The following ASPM variants were observed in gnomAD, a reference collection of about 807,000 sequenced individuals.
The protein encoded by ASPM is abnormal spindle-like microcephaly-associated protein.
Under a neutral mutation model 366.4 loss-of-function variants are expected in ASPM, and 256 were observed. The observed-to-expected ratio is 0.70, with a 90% CI of 0.63 to 0.77. ASPM has a LOEUF of 0.77. Ranked by LOEUF, ASPM falls within the 30% of genes least tolerant of loss-of-function variation. ASPM has a pLI of 0.00. For missense variants in ASPM, 4,146 were observed against 4,090.4 expected (o/e 1.01, Z -0.37); for synonymous variants, 1,414 against 1,342.9 (o/e 1.05, Z -1.16).
rs1320895963 is a variant in ASPM, at chr1:197,142,559, A to G, written c.1693T>C (p.Ser565Pro). 7 of 1,613,902 alleles carry G rather than the reference A, an allele frequency of 4.3e-6. No individual in the cohort carries two copies. Among genetic ancestry groups the G allele is most frequent in the Non-Finnish European group, 5.1e-6 (6 of 1,179,886 alleles). ...CGAGCAACTGAAGCTGTTGTCGAAG[A>G]GGGTGTTACCTCGTTTTTATAACTC... ...SKSYKNEVTPSSTTASVARKR... is the reference protein window; with the variant it reads ...SKSYKNEVTPPSTTASVARKR... The change falls in exon 3 of 28, where the codon TCT becomes CCT. Residue 565 changes from serine to proline, a missense_variant. Physicochemically the swap from Ser to Pro is moderately conservative, Grantham distance 74 (BLOSUM62 -1). Transcript: ENST00000367409.
chr1:197,127,350 T>G (rs7534353), intron 10 of ASPM, among the ~76,000 whole-genome samples: 118,144 of 152,150 alleles, frequency 0.78, 49,486 homozygotes, highest in East Asian at 1. Flanking sequence ...AAAGAGTTTG[T>G]TAAGTTTTAC....
In ASPM at chr1:197,101,607, T is replaced by C. The variant is rs754187502; in HGVS notation, c.7644A>G (p.Gln2548=). Residue 2548 remains glutamine (Q), a synonymous_variant, in exon 18 of 28, where the codon CAA becomes CAG. Transcript: ENST00000367409. ...QAAYKGMKAR[Q]LLREKHKASI... ...AAGCTTTGTGTTTTTCCCTTAAAAG[T>C]TGTCTTGCTTTCATTCCTTTATATG... The C allele has an allele frequency of 9.3e-6, 15 of 1,610,752 alleles. No homozygotes were observed. The highest frequency in any genetic ancestry group is 1.7e-5 in the Admixed American group (1 of 59,734).
At chr1:197,139,056 G>T in intron 4 of ASPM, 1 of 744,336 alleles carries the variant, frequency 1.3e-6, no homozygotes, top group South Asian at 1.4e-5. Context: ...CTGGCTGGTT[G>T]TCTGGGCCCA....
intron 1 of ASPM, 89 bp downstream of exon 1, chr1:197,146,052 T>G: frequency 5.2e-6 from 8 of 1,529,556 alleles, no homozygotes; most frequent in Non-Finnish European, 6.3e-6. Flanking sequence ...TGATTTCTTC[T>G]CCAATCGTCA....
intron 10 of ASPM, among the ~76,000 whole-genome samples, chr1:197,126,963 C>T (rs1414011025): frequency 1.3e-5 from 2 of 152,176 alleles, no homozygotes; most frequent in Admixed American, 1.3e-4. Context: ...AACCCACATT[C>T]ATCTTCCTGA....
Position 197,090,090 on chromosome 1 carries a change from AG to A in ASPM, c.9830-7del. On this transcript the variant is annotated splice_polypyrimidine_tract_variant and splice_region_variant and intron_variant, in intron 24 of 27. Coordinates refer to ENST00000367409, the MANE Select transcript of ASPM (RefSeq NM_018136.5). ...AGACAATCTAGTAACTACCTCTGAA[AG>A]AAAAAAAAAACACACACACACAGGT... The A allele has an allele frequency of 6.2e-7, 1 of 1,613,372 alleles. No individual in the cohort carries two copies.
chr1:197,103,562 C>G lies in ASPM; in HGVS notation c.5689G>C (p.Glu1897Gln), dbSNP rs576666235. ...GWKVRKQIRR[E>Q]HQAALKIQSA... is the part of the protein sequence containing the mutation. ...TGAATCTTCAAGGCAGCTTGATGTT[C>G]CCTTCTAATCTGTTTCCGAACCTTC... Residue 1897 changes from glutamate to glutamine, a missense_variant, in exon 18 of 28, where the codon GAA (glutamate) becomes CAA (glutamine). Around this residue, in one of 3 missense-constraint regions of ASPM, gnomAD observed 3,624 missense variants for 3,591.7 expected, o/e 1.01. Coordinates refer to ENST00000367409, the MANE Select transcript of ASPM (RefSeq NM_018136.5). 12 of 1,612,966 alleles carry G rather than the reference C, an allele frequency of 7.4e-6. No individual in the cohort carries two copies. The South Asian group carries it at 1.3e-4, about 18-fold the overall frequency.
intron 27 of ASPM, 27 bp from the exon 28 acceptor site, chr1:197,084,453 C>T: frequency 7.2e-7 from 1 of 1,385,762 alleles, no homozygotes; most frequent in Non-Finnish European, 1.0e-6. Context: ...AAAAGTCTGG[C>T]ATTAATAAAG....
chr1:197,127,586 C>A (rs1465722490), intron 10 of ASPM, among the ~76,000 whole-genome samples: 1 of 152,248 alleles, frequency 6.6e-6, no homozygotes, highest in African/African-American at 2.4e-5. Flanking sequence ...AACCCAGATA[C>A]CCTGAAGAGG....
rs1396972656 is a variant in ASPM at position 197,101,350 on chromosome 1, T to C, written c.7901A>G (p.His2634Arg). Residue 2634 changes from histidine (H) to arginine (R), a missense_variant, in exon 18 of 28, where the codon CAT becomes CGT. His to Arg is a conservative substitution (Grantham distance 29). This residue lies in a region of ASPM where 3,624 missense variants were observed against 3,591.7 expected (regional missense o/e 1.01). Transcript: ENST00000367409. ...CTTCCTTATTTTAAAGGCTTTACAA[T>C]GCTTCTGAATAATAATGGCAGCCTG... Reference protein sequence around the residue: ...QHQAAIIIQKHCKAFKIRKHY... With the variant: ...QHQAAIIIQKRCKAFKIRKHY... The C allele has an allele frequency of 6.2e-7, 1 of 1,610,832 alleles. No homozygotes were observed. The highest frequency in any genetic ancestry group is 1.7e-5 in the Admixed American group (1 of 59,710).
chr1:197,096,200 G>T, intron 18 of ASPM, 36 bp from the exon 19 acceptor site: 2 of 1,515,694 alleles, frequency 1.3e-6, no homozygotes, highest in Non-Finnish European at 1.8e-6. Context: ...TATGCAATGA[G>T]TTGTCTCTTT....
intron 4 of ASPM, among the ~76,000 whole-genome samples, chr1:197,136,324 C>G (rs1386870643): frequency 3.9e-5 from 6 of 152,084 alleles, no homozygotes; most frequent in African/African-American, 1.4e-4. Context: ...ATAAAGCTCT[C>G]TGGTAAAGGT....
At position 197,090,202 on chromosome 1, in the gene ASPM, GT is replaced by G; in HGVS notation, c.9822del (p.Lys3274AsnfsTer3). ...KHLSAILEAL[K>X]HLEVVTRLSP... ...CATGTTAACACAAACTAACCTAGGT[GT>G]TTTAAGGCCTCAAGAATGGCAGAAA... On this transcript the variant is annotated frameshift_variant, in exon 24 of 28. Coordinates refer to ENST00000367409, the MANE Select transcript of ASPM (RefSeq NM_018136.5). LOFTEE classifies it high-confidence loss of function. 1 of 1,613,266 alleles carries G rather than the reference GT, an allele frequency of 6.2e-7. No individual in the cohort carries two copies. Among genetic ancestry groups the G allele is most frequent in the Non-Finnish European group, 8.5e-7 (1 of 1,179,494 alleles).
At chr1:197,095,892 T>C in intron 19 of ASPM, 106 bp downstream of exon 19, 2 of 1,036,940 alleles carry the variant, frequency 1.9e-6, no homozygotes, top group African/African-American at 1.6e-5. Context: ...AAATTAAGCA[T>C]AACAAATATT....
In ASPM at chr1:197,146,165, C is replaced by T; in HGVS notation, c.273G>A (p.Val91=). ...CCTGCAACACGAAACAGCGCTGCGA[C>T]ACACTGAAGCCCAGGTCCGCGGCCG... ...HFPAADLGFS[V]SQRCFVLQPK... The change falls in exon 1 of 28, where the codon GTG becomes GTA. Residue 91 remains valine (V), a synonymous_variant. Coordinates refer to ENST00000367409, the MANE Select transcript of ASPM (RefSeq NM_018136.5). 2 of 1,614,098 alleles carry T rather than the reference C, an allele frequency of 1.2e-6. No individual in the cohort carries two copies. The highest frequency in any genetic ancestry group is 1.7e-4 in the Middle Eastern group (1 of 6,060).
chr1:197,090,185 C>T lies in ASPM; in HGVS notation c.9829+11G>A. On this transcript the variant is annotated intron_variant, in intron 24 of 27. Coordinates refer to ENST00000367409, the MANE Select transcript of ASPM (RefSeq NM_018136.5). ...TTACATCATTCTTTAAACATGTTAACACAAACTAACCTAGGTGTTTTAAGG... is the reference window on the plus strand; with the variant it reads ...TTACATCATTCTTTAAACATGTTAATACAAACTAACCTAGGTGTTTTAAGG... 1 of 1,612,868 alleles carries T rather than the reference C, an allele frequency of 6.2e-7. No homozygotes were observed. The highest frequency in any genetic ancestry group is 8.5e-7 in the Non-Finnish European group (1 of 1,179,278).
At position 197,124,113 on chromosome 1, in the gene ASPM, T is replaced by C. The variant is rs768169498; in HGVS notation, c.3387A>G (p.Lys1129=). The C allele has an allele frequency of 6.2e-7, 1 of 1,606,358 alleles. No individual in the cohort carries two copies. Among genetic ancestry groups the C allele is most frequent in the East Asian group, 2.2e-5 (1 of 44,642 alleles). Residue 1129 remains lysine, a synonymous_variant, in exon 13 of 28, where the codon AAA becomes AAG. Coordinates refer to ENST00000367409, the MANE Select transcript of ASPM (RefSeq NM_018136.5). ...WVNAVCAFYN[K]KVENFTVSFS... The stretch of plus-strand genomic sequence containing the variant: ...AACAAAAAACAAAGAAACTTACCTT[T>C]TTATTATAGAAGGCACAAACAGCAT...
chr1:197,124,308 A>G lies in ASPM; in HGVS notation c.3192T>C (p.Asp1064=). ...AFQVDISLNL[D]QLKEEIAFLK... is the part of the protein sequence containing the mutation. The stretch of plus-strand genomic sequence containing the variant: ...GAAAGGCAATTTCTTCCTTTAATTG[A>G]TCTAAGTTAAGGGAAATATCCACCT... The change falls in exon 13 of 28, where the codon GAT becomes GAC. Residue 1064 remains aspartate (D), a synonymous_variant. Coordinates refer to ENST00000367409, the MANE Select transcript of ASPM (RefSeq NM_018136.5). The G allele has an allele frequency of 2.5e-6, 4 of 1,584,260 alleles. No individual in the cohort carries two copies. In the South Asian group the frequency reaches 4.4e-5, roughly 18 times the overall value.
rs1658696934 is a variant in ASPM, at chr1:197,144,202, A to G, written c.298-102T>C. On this transcript the variant is annotated intron_variant, in intron 1 of 27. Coordinates refer to ENST00000367409, the MANE Select transcript of ASPM (RefSeq NM_018136.5). ...ATATAGTAGGGCTTAATAATTGTTA[A>G]CCAACACTCTATATACTAAACATTT... is the stretch of plus-strand genomic sequence containing the variant. 14 of 819,542 alleles carry G rather than the reference A, an allele frequency of 1.7e-5. No homozygotes were observed. In the South Asian group the frequency reaches 2.1e-4, roughly 12 times the overall value. 50.8% of individuals were successfully genotyped at this position (819,542 alleles called of 1,614,324 possible).
Sources: gnomAD v4.1 joint callset for allele counts (sites outside exome capture counted in the v4.1 genomes callset) on GRCh38, gnomAD v4.1.1 for gene constraint, gnomAD v4.1.1 regional missense constraint, MANE v1.5 for transcripts, NCBI Gene and HGNC (gene_info 2026-07-23, HGNC 2026-07-21) for gene names.